The following KAT14 variants were observed in gnomAD, a reference collection of about 807,000 sequenced individuals.
The protein encoded by KAT14 is cysteine-rich protein 2-binding protein.
Under a neutral mutation model 78.4 loss-of-function variants are expected in KAT14, and 66 were observed. That is an observed-to-expected ratio of 0.84 (90% CI 0.69 to 1.03). The LOEUF (loss-of-function observed/expected upper bound fraction) is 1.03, where lower values mean the gene tolerates loss of function less well. Ranked by LOEUF, KAT14 falls within the 50% of genes least tolerant of loss-of-function variation. The pLI is 0.00. For missense variants in KAT14, 870 were observed against 972.5 expected (o/e 0.89, Z 1.40); for synonymous variants, 344 against 359.4 (o/e 0.96, Z 0.48).
At chr20:18,161,682 G>A in intron 5 of KAT14, 141 bp from the exon 6 acceptor site, 4 of 1,214,534 alleles carry the variant, frequency 3.3e-6, no homozygotes, top group Non-Finnish European at 4.5e-6. Context: ...TTCGGATTTT[G>A]TATTTCTGGG....
chr20:18,183,036 TC>T, intron 8 of KAT14, 86 bp from the exon 9 acceptor site: 1 of 1,504,832 alleles, frequency 6.6e-7, no homozygotes, highest in Non-Finnish European at 8.9e-7. Flanking sequence ...TTCAAGCAGA[TC>T]AAAGAGTTTA....
At position 18,162,249 on chromosome 20, in the gene KAT14, T is replaced by C; in HGVS notation, c.1099+10T>C. On this transcript the variant is annotated intron_variant, in intron 6 of 10. Transcript: ENST00000688188. ...CAAGCCTTGTTTCATGGTAAGAGTT[T>C]GTTTGCTTTGCTCTTTTATTTTGGG... The C allele has an allele frequency of 6.2e-7, 1 of 1,613,646 alleles. No homozygotes were observed. Among genetic ancestry groups the C allele is most frequent in the Non-Finnish European group, 8.5e-7 (1 of 1,179,736 alleles).
At chr20:18,178,219 C>CA (rs201807341) in intron 7 of KAT14, among the ~76,000 whole-genome samples, 51 of 151,738 alleles carry the variant, frequency 3.4e-4, no homozygotes, top group African/African-American at 8.0e-4. Flanking sequence ...ATGCAGTAGA[C>CA]AAAAAAAACC....
At chr20:18,177,888 T>A (rs1484069287) in intron 7 of KAT14, among the ~76,000 whole-genome samples, 1 of 152,136 alleles carries the variant, frequency 6.6e-6, no homozygotes, top group African/African-American at 2.4e-5. Context: ...TCTTGGGGTT[T>A]GAAATGAAAC....
Position 18,137,986 on chromosome 20 carries a change from C to T in KAT14, c.-519C>T, listed in dbSNP as rs572605530. On this transcript the variant is annotated 5_prime_UTR_variant, in exon 1 of 11. Coordinates refer to ENST00000688188, the MANE Select transcript of KAT14 (RefSeq NM_001392073.1). Reference sequence around the variant, plus strand: ...TAGGAGCTCGAAGGTGGTGCTGGGCCTCTCGGTGCTGCTGACGGCGGCCAC... The same window carrying T: ...TAGGAGCTCGAAGGTGGTGCTGGGCTTCTCGGTGCTGCTGACGGCGGCCAC... The T allele has an allele frequency of 1.0e-4, 158 of 1,506,330 alleles. 1 individual carries two copies. In the East Asian group the frequency reaches 4.1e-3, roughly 39 times the overall value. The allele number at this position is 1,506,330 out of a possible 1,614,324, so 93.3% of individuals were successfully genotyped here. A position where few individuals can be genotyped will look rare whatever the true frequency, so the allele number is the denominator to read the frequency against.
chr20:18,166,091 G>A lies in KAT14; in HGVS notation c.1668+3146G>A, dbSNP rs554787124. ...AGAAATAGATAATCGGTGCTGCGAA[G>A]AAAAGTCAGCACAGAGACAAAAGGT... is the stretch of plus-strand genomic sequence containing the variant. On this transcript the variant is annotated intron_variant, in intron 7 of 10. Transcript: ENST00000688188. Among the ~76,000 whole-genome samples, 10 of 152,340 alleles carry A rather than the reference G, an allele frequency of 6.6e-5. No homozygotes were observed. In the East Asian group the frequency reaches 1.9e-3, roughly 29 times the overall value.
intron 1 of KAT14, chr20:18,138,255 C>G (rs2037376148): frequency 3.2e-6 from 4 of 1,234,526 alleles, no homozygotes; most frequent in Non-Finnish European, 4.0e-6. Context: ...CGGGCGTGTG[C>G]AGCCCGCAGA....
intron 7 of KAT14, among the ~76,000 whole-genome samples, chr20:18,179,877 G>GT (rs369185926): frequency 0.012 from 1,877 of 150,388 alleles, 35 homozygotes; most frequent in African/African-American, 0.041. Context: ...TTTGTTTTTT[G>GT]TTTTTTTTTG....
chr20:18,143,305 ACTC>A (rs1335425294), intron 2 of KAT14: 1 of 465,300 alleles, frequency 2.1e-6, no homozygotes, highest in African/African-American at 2.2e-5. Context: ...TACGTGGAGA[ACTC>A]CTGCTATTGT....
At chr20:18,145,456 G>T in intron 3 of KAT14, 105 bp downstream of exon 3, 2 of 1,481,292 alleles carry the variant, frequency 1.4e-6, no homozygotes, top group Non-Finnish European at 9.1e-7. Flanking sequence ...TGTTTGGAGG[G>T]GCACTTTTTA....
chr20:18,140,518 A>AC (rs1234161166), intron 1 of KAT14, among the ~76,000 whole-genome samples: 2 of 151,850 alleles, frequency 1.3e-5, no homozygotes, highest in Non-Finnish European at 2.9e-5. Flanking sequence ...ACTATTAAAA[A>AC]CCATTTATTG....
rs2037616297 is a variant in KAT14, at chr20:18,142,261, A to G, written c.-400A>G. ...TTGAGAGGCAAATTCGGAAAAAAGA[A>G]AACATTCGTCTTTTGGGAGAACAGA... On this transcript the variant is annotated 5_prime_UTR_variant, in exon 2 of 11. Coordinates refer to ENST00000688188, the MANE Select transcript of KAT14 (RefSeq NM_001392073.1). 2.0e-6 allele frequency: 3 copies of G among 1,537,248 alleles called. No individual in the cohort carries two copies. Among genetic ancestry groups the G allele is most frequent in the Non-Finnish European group, 1.7e-6 (2 of 1,146,902 alleles).
rs1600232539 is a variant in KAT14, at chr20:18,170,541, A to C, written c.1668+7596A>C. Among the ~76,000 whole-genome samples the C allele has an allele frequency of 2.0e-5, 3 of 152,098 alleles. No homozygotes were observed. The East Asian group carries it at 5.8e-4, about 29-fold the overall frequency. On this transcript the variant is annotated intron_variant, in intron 7 of 10. Coordinates refer to ENST00000688188, the MANE Select transcript of KAT14 (RefSeq NM_001392073.1). ...AAGCTACTACTCAGAGAAAAAGATT[A>C]TTTTCTTTTTTGAGACGGAGTCTTG...
At chr20:18,143,382 C>T (rs751259871) in intron 2 of KAT14, among the ~76,000 whole-genome samples, 1 of 151,730 alleles carries the variant, frequency 6.6e-6, no homozygotes, top group Non-Finnish European at 1.5e-5. Context: ...TAGGACCAGT[C>T]TTTTTTTCCA....
chr20:18,161,948 A>G lies in KAT14; in HGVS notation c.808A>G (p.Ile270Val). Residue 270 changes from isoleucine (I) to valine (V), a missense_variant, in exon 6 of 11, where the codon ATT becomes GTT. Transcript: ENST00000688188. ...GTCTCGAACTCAGGAAGCAAAAGAC[A>G]TTAGAAGAGCCCAGAAGGAGGCCGC... The part of the protein sequence containing the change: ...KRSRTQEAKD[I>V]RRAQKEAAGF... 6.2e-7 allele frequency: 1 copy of G among 1,614,274 alleles called. No individual in the cohort carries two copies. The highest frequency in any genetic ancestry group is 1.1e-5 in the South Asian group (1 of 91,092).
chr20:18,162,938 G>C lies in KAT14; in HGVS notation c.1661G>C (p.Arg554Pro), dbSNP rs763550019. 1.2e-6 allele frequency: 2 copies of C among 1,613,526 alleles called. No homozygotes were observed. The highest frequency in any genetic ancestry group is 2.2e-5 in the East Asian group (1 of 44,882). ...TGTCAGGACTTCAGAATCCTTGACC[G>C]ATACCAGGTGAATGCAAGCACTTGC... ...TTCQDFRILDRYQTSLPSRKG... is the reference protein window; with the variant it reads ...TTCQDFRILDPYQTSLPSRKG... Residue 554 changes from arginine (R) to proline (P), a missense_variant, in exon 7 of 11, where the codon CGA (arginine) becomes CCA (proline). Arg to Pro is a moderately radical substitution (Grantham distance 103). Transcript: ENST00000688188.
In KAT14 at chr20:18,142,795, G is replaced by A; in HGVS notation, c.135G>A (p.Gln45=). 3 of 1,614,188 alleles carry A rather than the reference G, an allele frequency of 1.9e-6. No homozygotes were observed. Among genetic ancestry groups the A allele is most frequent in the Non-Finnish European group, 2.5e-6 (3 of 1,180,042 alleles). ...ETLLIVESED[Q]ASVDLSHDQS... is the part of the protein sequence containing the mutation. ...TCCTGATCGTCGAATCCGAGGATCAGGCATCAGTGGACTTATCGCACGACC... is the reference window on the plus strand; with the variant it reads ...TCCTGATCGTCGAATCCGAGGATCAAGCATCAGTGGACTTATCGCACGACC... Residue 45 remains glutamine, a synonymous_variant, in exon 2 of 11, where the codon CAG becomes CAA. Transcript: ENST00000688188.
At chr20:18,167,834 C>G (rs1442682149) in intron 7 of KAT14, among the ~76,000 whole-genome samples, 1 of 152,030 alleles carries the variant, frequency 6.6e-6, no homozygotes, top group Non-Finnish European at 1.5e-5. Flanking sequence ...TAGGTCCTAA[C>G]TTAAGATACA....
At chr20:18,184,507 A>G in intron 9 of KAT14, 95 bp from the exon 10 acceptor site, 1 of 928,406 alleles carries the variant, frequency 1.1e-6, no homozygotes, top group South Asian at 2.3e-5. Flanking sequence ...TTTTTTTAGC[A>G]TGCAGGTGTA....
Sources: gnomAD v4.1 joint callset for allele counts (sites outside exome capture counted in the v4.1 genomes callset) on GRCh38, gnomAD v4.1.1 for gene constraint, MANE v1.5 for transcripts, NCBI Gene and HGNC (gene_info 2026-07-23, HGNC 2026-07-21) for gene names.